The following ME1 variants were observed in gnomAD, a reference collection of about 807,000 sequenced individuals.
ME1 encodes the protein malic enzyme 1.
In ME1, 74 loss-of-function variants were observed where a neutral mutation model predicts 66.4. That is an observed-to-expected ratio of 1.11 (90% confidence interval 0.92 to 1.35). ME1 has a LOEUF of 1.35. ME1 is among the 40% of genes most tolerant of loss of function. The pLI is 0.00. For synonymous variants in ME1, 251 were observed against 235.6 expected (o/e 1.07, Z -0.60); for missense variants, 750 against 694.1 (o/e 1.08, Z -0.90).
chr6:83,332,219 A>T (rs556019209), intron 5 of ME1, among the ~76,000 whole-genome samples: 1 of 152,316 alleles, frequency 6.6e-6, no homozygotes, highest in South Asian at 2.1e-4. Flanking sequence ...ATCTAAACAA[A>T]ATCAAAATGG....
chr6:83,271,138 G>A (rs1767075008), intron 6 of ME1, among the ~76,000 whole-genome samples: 1 of 151,994 alleles, frequency 6.6e-6, no homozygotes, highest in African/African-American at 2.4e-5. Context: ...CATAATTTGG[G>A]ACTATTCCCA....
intron 6 of ME1, among the ~76,000 whole-genome samples, chr6:83,312,413 G>T (rs1767948733): frequency 6.6e-6 from 1 of 152,156 alleles, no homozygotes; most frequent in African/African-American, 2.4e-5. Flanking sequence ...CTTGGTAAGT[G>T]CCACAAGACC....
chr6:83,237,585 T>C (rs1790439974), intron 9 of ME1, 132 bp downstream of exon 9: 1 of 507,908 alleles, frequency 2.0e-6, no homozygotes, highest in Non-Finnish European at 3.5e-6. Flanking sequence ...CTGTATGACA[T>C]GATCATTTGT....
intron 1 of ME1, among the ~76,000 whole-genome samples, chr6:83,417,671 G>A (rs1414782741): frequency 3.3e-5 from 5 of 152,224 alleles, no homozygotes; most frequent in East Asian, 1.9e-4. Flanking sequence ...GAGCTACAAC[G>A]CCAGGCCCAA....
intron 2 of ME1, among the ~76,000 whole-genome samples, chr6:83,401,519 A>C (rs1373829156): frequency 6.6e-6 from 1 of 152,174 alleles, no homozygotes; most frequent in Non-Finnish European, 1.5e-5. Flanking sequence ...TGGCCCAGGA[A>C]AAGAATATAA....
At chr6:83,352,669 T>C (rs896592838) in intron 3 of ME1, among the ~76,000 whole-genome samples, 3 of 152,218 alleles carry the variant, frequency 2.0e-5, no homozygotes, top group Admixed American at 6.5e-5. Context: ...TTTGTGATCT[T>C]AGTTGCCGTT....
intron 7 of ME1, among the ~76,000 whole-genome samples, chr6:83,240,496 G>A (rs1790491361): frequency 6.6e-6 from 1 of 151,996 alleles, no homozygotes; most frequent in Non-Finnish European, 1.5e-5. Context: ...AGCATTCACA[G>A]ATCACAAAGC....
chr6:83,295,619 C>T (rs141584829), intron 6 of ME1, among the ~76,000 whole-genome samples: 1 of 151,958 alleles, frequency 6.6e-6, no homozygotes. Context: ...AAGCAATTCT[C>T]CAGCCTCAGC....
chr6:83,284,422 C>G (rs998512721), intron 6 of ME1, among the ~76,000 whole-genome samples: 1 of 152,078 alleles, frequency 6.6e-6, no homozygotes, highest in African/African-American at 2.4e-5. Context: ...CTACCAAAAC[C>G]TGGCAAAGAC....
chr6:83,339,895 C>T (rs1768542188), intron 5 of ME1, among the ~76,000 whole-genome samples: 1 of 131,940 alleles, frequency 7.6e-6, no homozygotes, highest in South Asian at 2.6e-4. Context: ...GGGTGCAGCG[C>T]ACCAGCATGG....
rs558746166 is a variant in ME1, at chr6:83,430,182, A to AAAAACAAAAC, written c.78+685_78+694dup. Among the ~76,000 whole-genome samples, 1,414 of 152,054 alleles carry AAAAACAAAAC rather than the reference A, an allele frequency of 9.3e-3. 20 individuals are homozygous for AAAAACAAAAC. The highest frequency in any genetic ancestry group is 0.033 in the African/African-American group (1,361 of 41,338). On this transcript the variant is annotated intron_variant, in intron 1 of 13. Coordinates refer to ENST00000369705, the MANE Select transcript of ME1 (RefSeq NM_002395.6). Reference sequence around the variant, plus strand: ...TTTTTAACTTCCAGAAAGCCAAATTAAAAACAAAACAAAACAAAACAAAAC... The same window carrying AAAAACAAAAC: ...TTTTTAACTTCCAGAAAGCCAAATTAAAAACAAAACAAAACAAAACAAAACAAAACAAAAC...
At chr6:83,406,689 G>C (rs1398067284) in intron 2 of ME1, among the ~76,000 whole-genome samples, 1 of 152,112 alleles carries the variant, frequency 6.6e-6, no homozygotes, top group Non-Finnish European at 1.5e-5. Flanking sequence ...TTTCTGCACA[G>C]GTGTTTTTGG....
At chr6:83,392,409 A>G (rs1769639200) in intron 3 of ME1, 1 of 497,826 alleles carries the variant, frequency 2.0e-6, no homozygotes, top group African/African-American at 2.2e-5. Flanking sequence ...TGCATCCCTG[A>G]GACACCATGG....
intron 3 of ME1, among the ~76,000 whole-genome samples, chr6:83,365,816 A>G (rs937075658): frequency 1.9e-4 from 29 of 152,066 alleles, no homozygotes; most frequent in African/African-American, 6.8e-4. Flanking sequence ...ACTTCCTTCC[A>G]TCTGTATCCC....
chr6:83,370,575 C>T (rs1228370354), intron 3 of ME1, among the ~76,000 whole-genome samples: 1 of 152,128 alleles, frequency 6.6e-6, no homozygotes, highest in Non-Finnish European at 1.5e-5. Flanking sequence ...CCATCCTACT[C>T]ATCCTGCTTG....
chr6:83,325,587 C>T (rs1251169406), intron 5 of ME1, among the ~76,000 whole-genome samples: 1 of 151,950 alleles, frequency 6.6e-6, no homozygotes, highest in East Asian at 1.9e-4. Context: ...AAATAGAGAG[C>T]CAAATCATGA....
At chr6:83,404,326 C>A (rs1440881278) in intron 2 of ME1, among the ~76,000 whole-genome samples, 4 of 151,982 alleles carry the variant, frequency 2.6e-5, no homozygotes, top group African/African-American at 4.8e-5. Flanking sequence ...CCGTTCATAT[C>A]CTTTGCCCAC....
In ME1 at chr6:83,228,841, G is replaced by A. The variant is rs1790247355; in HGVS notation, c.1117C>T (p.Pro373Ser). Residue 373 changes from proline to serine, a missense_variant, in exon 10 of 14, where the codon CCA becomes TCA. Pro to Ser is a moderately conservative substitution (Grantham distance 74, BLOSUM62 -1). Transcript: ENST00000369705. ...NLEAIVQEIK[P>S]TALIGVAAIG... ...AAATGCTTACCTATGAGGGCAGTTG[G>A]TTTTATTTCTTGAACAATGGCTTCT... 6.2e-7 allele frequency: 1 copy of A among 1,610,198 alleles called. No homozygotes were observed. The highest frequency in any genetic ancestry group is 2.2e-5 in the East Asian group (1 of 44,794).
intron 6 of ME1, among the ~76,000 whole-genome samples, chr6:83,278,899 C>T (rs994395806): frequency 3.9e-5 from 6 of 152,200 alleles, no homozygotes; most frequent in African/African-American, 1.4e-4. Flanking sequence ...TATCCAACTA[C>T]AGTCCTCCCT....
Sources: gnomAD v4.1 joint callset for allele counts (sites outside exome capture counted in the v4.1 genomes callset) on GRCh38, gnomAD v4.1.1 for gene constraint, MANE v1.5 for transcripts, NCBI Gene and HGNC (gene_info 2026-07-23, HGNC 2026-07-21) for gene names.